LTV1: variants seen among roughly 807,000 people sequenced by gnomAD.
LTV1 encodes protein LTV1 homolog.
In LTV1, 39 loss-of-function variants were observed where a neutral mutation model predicts 59.9. The observed-to-expected ratio is 0.65, with a 90% CI of 0.50 to 0.85. LTV1 has a LOEUF of 0.85. Among genes scored for constraint, LTV1 ranks in the 40% least tolerant of loss-of-function variants. The pLI is 0.00. For synonymous variants in LTV1, 171 were observed against 189.5 expected, an observed-to-expected ratio of 0.90 and a Z score of 0.80; for missense variants, 493 against 549.1, an observed-to-expected ratio of 0.90 and a Z score of 1.02.
Position 143,855,077 on chromosome 6 carries a change from G to C in LTV1, c.398-2226G>C, listed in dbSNP as rs1163036515. On this transcript the variant is annotated intron_variant, in intron 4 of 10. Coordinates refer to ENST00000367576, the MANE Select transcript of LTV1 (RefSeq NM_032860.5). The surrounding 1 kb of genome is among the most constrained non-coding windows in gnomAD (Gnocchi z 4.6). ...AGTCTCCCATTATTATTGTGTGGGA[G>C]TCTAAGTCTCTTTGTAGGTCTCTTA... 6.6e-6 allele frequency among the ~76,000 whole-genome samples: 1 copy of C among 152,124 alleles called. No individual in the cohort carries two copies. Among genetic ancestry groups the C allele is most frequent in the South Asian group, 2.1e-4 (1 of 4,830 alleles).
intron 3 of LTV1, among the ~76,000 whole-genome samples, chr6:143,847,324 C>T (rs1377242647): frequency 1.3e-5 from 2 of 152,210 alleles, no homozygotes; most frequent in African/African-American, 4.8e-5. Context: ...AAAGTCTTGC[C>T]TGGCTTGTAT....
In LTV1 at chr6:143,855,064, T is replaced by C. The variant is rs1777051736; in HGVS notation, c.398-2239T>C. Among the ~76,000 whole-genome samples the C allele has an allele frequency of 6.6e-6, 1 of 152,180 alleles. No homozygotes were observed. Among genetic ancestry groups the C allele is most frequent in the South Asian group, 2.1e-4 (1 of 4,826 alleles). On this transcript the variant is annotated intron_variant, in intron 4 of 10. Coordinates refer to ENST00000367576, the MANE Select transcript of LTV1 (RefSeq NM_032860.5). The surrounding 1 kb of genome is among the most constrained non-coding windows in gnomAD (Gnocchi z 4.6). ...AGTGGGGTGTTAAAGTCTCCCATTA[T>C]TATTGTGTGGGAGTCTAAGTCTCTT...
At chr6:143,854,863 C>G (rs1469858932) in intron 4 of LTV1, among the ~76,000 whole-genome samples, 2 of 152,022 alleles carry the variant, frequency 1.3e-5, no homozygotes, top group African/African-American at 4.8e-5. Context: ...GTTTTACTTC[C>G]AATTATGTGG....
chr6:143,860,656 C>G, intron 7 of LTV1, 103 bp downstream of exon 7: 1 of 965,482 alleles, frequency 1.0e-6, no homozygotes, highest in Non-Finnish European at 1.4e-6. Flanking sequence ...AAAAATTAAC[C>G]TAGTCAAAAT....
chr6:143,861,148 C>T (rs538227288), intron 7 of LTV1, among the ~76,000 whole-genome samples: 60 of 152,216 alleles, frequency 3.9e-4, no homozygotes, highest in South Asian at 6.2e-4. Context: ...ATGCCTGCCT[C>T]GGTCTCCCAA....
At chr6:143,848,604 T>G (rs1416773438) in intron 3 of LTV1, among the ~76,000 whole-genome samples, 1 of 152,130 alleles carries the variant, frequency 6.6e-6, no homozygotes, top group Non-Finnish European at 1.5e-5. Flanking sequence ...TGCACAGAGA[T>G]AAATAACACA....
Position 143,852,822 on chromosome 6 carries a change from C to T in LTV1, c.397+2604C>T, listed in dbSNP as rs191591327. 6.8e-4 allele frequency among the ~76,000 whole-genome samples: 104 copies of T among 152,162 alleles called. 1 individual carries two copies. The highest frequency in any genetic ancestry group is 3.6e-3 in the Admixed American group (55 of 15,276). On this transcript the variant is annotated intron_variant, in intron 4 of 10. Coordinates refer to ENST00000367576, the MANE Select transcript of LTV1 (RefSeq NM_032860.5). ...TTTTCCCAATGCCATTTATTAAATA[C>T]GGAATCCTTTCCCCATTGCTTGTTT...
At chr6:143,856,715 G>A (rs994721507) in intron 4 of LTV1, among the ~76,000 whole-genome samples, 1 of 152,200 alleles carries the variant, frequency 6.6e-6, no homozygotes, top group Non-Finnish European at 1.5e-5. Flanking sequence ...GCTGGAGTTT[G>A]CTGGAGGTCC....
At chr6:143,858,042 T>C (rs1777108401) in intron 6 of LTV1, 35 bp downstream of exon 6, 1 of 1,588,616 alleles carries the variant, frequency 6.3e-7, no homozygotes, top group South Asian at 1.1e-5. Context: ...TTTAGTACTA[T>C]CTTATGTTAA....
intron 7 of LTV1, among the ~76,000 whole-genome samples, chr6:143,860,880 T>C (rs1395423353): frequency 1.3e-5 from 2 of 151,896 alleles, no homozygotes; most frequent in African/African-American, 4.8e-5. Context: ...CATGGTAGAA[T>C]GTGTATTCGT....
intron 7 of LTV1, 147 bp downstream of exon 7, chr6:143,860,700 A>AG: frequency 1.4e-6 from 1 of 698,052 alleles, no homozygotes; most frequent in Non-Finnish European, 2.2e-6. Flanking sequence ...AAAAAAGAAA[A>AG]GGGGAAAAAA....
At chr6:143,844,215 C>G (rs1217978882) in intron 1 of LTV1, among the ~76,000 whole-genome samples, 1 of 152,184 alleles carries the variant, frequency 6.6e-6, no homozygotes, top group Non-Finnish European at 1.5e-5. Context: ...GATTTTCTTG[C>G]TAAGAACAGG....
At position 143,863,781 on chromosome 6, in the gene LTV1, T is replaced by C. The variant is rs1005782039; in HGVS notation, c.*254T>C. 1.7e-5 allele frequency: 5 copies of C among 299,918 alleles called. No homozygotes were observed. The highest frequency in any genetic ancestry group is 2.3e-4 in the South Asian group (2 of 8,886). The allele number at this position is 299,918 out of a possible 1,614,324, so 18.6% of individuals were successfully genotyped here. On this transcript the variant is annotated 3_prime_UTR_variant, in exon 11 of 11. Coordinates refer to ENST00000367576, the MANE Select transcript of LTV1 (RefSeq NM_032860.5). The surrounding 1 kb of genome is among the most constrained non-coding windows in gnomAD (Gnocchi z 4.5). The stretch of plus-strand genomic sequence containing the variant: ...GACTTCATGAATGTGAAATGTTTGA[T>C]AAATTAAAGGAAAATATCTTCATAA...
intron 2 of LTV1, 96 bp downstream of exon 2, chr6:143,844,713 C>T: frequency 7.5e-7 from 1 of 1,335,964 alleles, no homozygotes; most frequent in South Asian, 1.5e-5. Context: ...GCACGTTGCC[C>T]AGGCTGGTCT....
At chr6:143,849,742 C>T (rs1776950355) in intron 3 of LTV1, among the ~76,000 whole-genome samples, 1 of 152,124 alleles carries the variant, frequency 6.6e-6, no homozygotes, top group Non-Finnish European at 1.5e-5. Context: ...CTTCATGGTT[C>T]TGGAGGTCAG....
rs940952519 is a variant in LTV1 at position 143,862,482 on chromosome 6, A to G, written c.1063+239A>G. Among the ~76,000 whole-genome samples, 2 of 152,210 alleles carry G rather than the reference A, an allele frequency of 1.3e-5. No homozygotes were observed. Among genetic ancestry groups the G allele is most frequent in the East Asian group, 3.9e-4 (2 of 5,176 alleles). Reference sequence around the variant, plus strand: ...GCAACTGTAATCCCAGCTGCTCGAGAGGCTGAGGCAGGAGAATAGCTTGAA... The same window carrying G: ...GCAACTGTAATCCCAGCTGCTCGAGGGGCTGAGGCAGGAGAATAGCTTGAA... On this transcript the variant is annotated intron_variant, in intron 8 of 10. Transcript: ENST00000367576. This position sits in a 1 kb window ranked among gnomAD's most constrained non-coding sequence, Gnocchi z 4.2.
chr6:143,847,693 T>C (rs1399302983), intron 3 of LTV1, among the ~76,000 whole-genome samples: 1 of 152,236 alleles, frequency 6.6e-6, no homozygotes, highest in Non-Finnish European at 1.5e-5. Flanking sequence ...TTAATTCATT[T>C]TGAGTAAAAG....
chr6:143,850,543 G>A (rs1189913791), intron 4 of LTV1, among the ~76,000 whole-genome samples: 2 of 152,090 alleles, frequency 1.3e-5, no homozygotes, highest in African/African-American at 4.8e-5. Context: ...GTGTAATTTT[G>A]AAAAATAATC....
At chr6:143,858,050 T>G (rs368542691) in intron 6 of LTV1, 43 bp downstream of exon 6, 4 of 1,581,912 alleles carry the variant, frequency 2.5e-6, no homozygotes, top group Non-Finnish European at 8.6e-7. Context: ...TATCTTATGT[T>G]AAATTTTTTT....
Sources: allele counts gnomAD v4.1 joint callset (sites outside exome capture counted in the v4.1 genomes callset), GRCh38; gene constraint gnomAD v4.1.1; non-coding constraint Gnocchi (gnomAD v3.1); transcripts MANE v1.5; gene names NCBI Gene and HGNC (gene_info 2026-07-23, HGNC 2026-07-21).